Variants in CDH13 observed in about 807,000 individuals in gnomAD.
CDH13 encodes cadherin 13.
A neutral mutation model predicts 63.8 loss-of-function variants in CDH13; 24 were observed. The ratio of observed to expected loss-of-function variants is 0.38; its 90% confidence interval spans 0.27 to 0.53. The LOEUF (loss-of-function observed/expected upper bound fraction) is 0.53. CDH13 is among the 20% of genes least tolerant of loss of function. The pLI is 0.85. For synonymous variants in CDH13, 503 were observed against 355.3 expected (o/e 1.42, Z -4.67); for missense variants, 1,049 against 903.1 (o/e 1.16, Z -2.07).
At chr16:83,248,987 T>C (rs1451921411) in intron 5 of CDH13, among the ~76,000 whole-genome samples, 1 of 152,220 alleles carries the variant, frequency 6.6e-6, no homozygotes, top group African/African-American at 2.4e-5. Flanking sequence ...ACTCTTTGAG[T>C]GCATAACCTT....
chr16:83,105,631 T>A (rs2034726078), intron 3 of CDH13, among the ~76,000 whole-genome samples: 1 of 151,760 alleles, frequency 6.6e-6, no homozygotes, highest in Non-Finnish European at 1.5e-5. Context: ...TTAGATGGCA[T>A]GAATTAAATA....
intron 6 of CDH13, among the ~76,000 whole-genome samples, chr16:83,474,732 A>C (rs1458309396): frequency 1.3e-5 from 2 of 152,224 alleles, no homozygotes; most frequent in Non-Finnish European, 2.9e-5. Context: ...CCGAGGAATA[A>C]ACTGTGAAGC....
At chr16:83,300,079 C>G (rs1431929738) in intron 5 of CDH13, among the ~76,000 whole-genome samples, 4 of 152,176 alleles carry the variant, frequency 2.6e-5, no homozygotes, top group Admixed American at 2.6e-4. Context: ...ATGCAAGTCA[C>G]TAGTTTTAGC....
chr16:83,358,304 C>T (rs2091095852), intron 6 of CDH13, among the ~76,000 whole-genome samples: 1 of 152,070 alleles, frequency 6.6e-6, no homozygotes, highest in African/African-American at 2.4e-5. Flanking sequence ...CTCCTCCTAC[C>T]ACCTATTTCT....
At position 82,959,921 on chromosome 16, in the gene CDH13, G is replaced by A. The variant is rs976839766; in HGVS notation, c.158-72089G>A. ...GGTTTTCATTCTCTGAGATGAATTC[G>A]CCCAAAAGTGCAATGTCTGGGTTAT... On this transcript the variant is annotated intron_variant, in intron 2 of 13. Coordinates refer to ENST00000567109, the MANE Select transcript of CDH13 (RefSeq NM_001257.5). Among the ~76,000 whole-genome samples the A allele has an allele frequency of 7.9e-5, 12 of 152,172 alleles. 1 individual carries two copies. The highest frequency in any genetic ancestry group is 2.6e-4 in the Admixed American group (4 of 15,284).
intron 6 of CDH13, among the ~76,000 whole-genome samples, chr16:83,442,862 G>A (rs2072520843): frequency 6.6e-6 from 1 of 152,224 alleles, no homozygotes; most frequent in African/African-American, 2.4e-5. Context: ...TACTATAAGG[G>A]ACATTTCTGT....
At chr16:82,652,576 C>T (rs1339477225) in intron 1 of CDH13, among the ~76,000 whole-genome samples, 1 of 152,130 alleles carries the variant, frequency 6.6e-6, no homozygotes, top group Non-Finnish European at 1.5e-5. Flanking sequence ...TCCTACTCCT[C>T]ATTTAAAAAT....
At chr16:83,697,905 C>G (rs138752934) in intron 10 of CDH13, among the ~76,000 whole-genome samples, 2 of 152,366 alleles carry the variant, frequency 1.3e-5, no homozygotes, top group African/African-American at 4.8e-5. Flanking sequence ...GCCTCGGCCT[C>G]CCAAATTGCT....
At chr16:83,728,674 G>A (rs975651316) in intron 10 of CDH13, among the ~76,000 whole-genome samples, 2 of 152,146 alleles carry the variant, frequency 1.3e-5, no homozygotes, top group African/African-American at 2.4e-5. Context: ...ACACAATTAC[G>A]ACATGCCGTT....
At chr16:82,760,537 A>G (rs1362089648) in intron 1 of CDH13, among the ~76,000 whole-genome samples, 1 of 152,180 alleles carries the variant, frequency 6.6e-6, no homozygotes, top group African/African-American at 2.4e-5. Flanking sequence ...ACAAAAATGT[A>G]CCAGTTATAT....
chr16:83,747,309 C>T (rs1056666503), intron 10 of CDH13, among the ~76,000 whole-genome samples: 2 of 152,236 alleles, frequency 1.3e-5, no homozygotes, highest in East Asian at 3.9e-4. Context: ...GCGGGTCTTT[C>T]CCATGCTGTT....
chr16:83,172,085 G>C (rs1228554465), intron 4 of CDH13, among the ~76,000 whole-genome samples: 8 of 152,076 alleles, frequency 5.3e-5, no homozygotes, highest in Non-Finnish European at 1.2e-4. Context: ...CTTTACAGAG[G>C]TAATCATGTT....
rs554919332 is a variant in CDH13 at position 83,649,153 on chromosome 16, G to A, written c.1102-21637G>A. 4.5e-4 allele frequency among the ~76,000 whole-genome samples: 69 copies of A among 152,348 alleles called. 1 individual carries two copies. In the South Asian group the frequency reaches 8.1e-3, roughly 18 times the overall value. ...CCTCAGGTGTGGCAGTGAGGTTAAAGTGGCCACAGGCTGCTGTTGGAGTGA... is the reference window on the plus strand; with the variant it reads ...CCTCAGGTGTGGCAGTGAGGTTAAAATGGCCACAGGCTGCTGTTGGAGTGA... On this transcript the variant is annotated intron_variant, in intron 8 of 13. Transcript: ENST00000567109.
chr16:83,481,828 CA>C (rs1458464450), intron 6 of CDH13, among the ~76,000 whole-genome samples: 1 of 152,132 alleles, frequency 6.6e-6, no homozygotes, highest in Non-Finnish European at 1.5e-5. Flanking sequence ...GCGTGTCTGT[CA>C]TATAATTACC....
chr16:83,410,774 A>G (rs1019784496), intron 6 of CDH13, among the ~76,000 whole-genome samples: 1 of 152,198 alleles, frequency 6.6e-6, no homozygotes, highest in Non-Finnish European at 1.5e-5. Flanking sequence ...AGTCGTTGGC[A>G]ATCAGCTGCC....
chr16:83,527,279 C>G (rs936540928), intron 7 of CDH13, among the ~76,000 whole-genome samples: 1 of 152,024 alleles, frequency 6.6e-6, no homozygotes, highest in Non-Finnish European at 1.5e-5. Flanking sequence ...GAAACCCCAT[C>G]TCTACTAAAA....
chr16:82,852,091 C>G (rs553071724), intron 1 of CDH13, among the ~76,000 whole-genome samples: 1 of 152,264 alleles, frequency 6.6e-6, no homozygotes, highest in Non-Finnish European at 1.5e-5. Flanking sequence ...GGGGATGGAA[C>G]CTGAGAGTGT....
intron 6 of CDH13, among the ~76,000 whole-genome samples, chr16:83,408,688 T>C (rs976396968): frequency 3.3e-5 from 5 of 152,238 alleles, no homozygotes; most frequent in East Asian, 1.9e-4. Flanking sequence ...GTAACTTTAA[T>C]AGAAGCATGA....
chr16:83,651,033 C>G (rs1351822878), intron 8 of CDH13, among the ~76,000 whole-genome samples: 1 of 151,866 alleles, frequency 6.6e-6, no homozygotes, highest in Non-Finnish European at 1.5e-5. Context: ...CCCGGGAGGT[C>G]AAGGCTGCAG....
Sources: gnomAD v4.1 joint callset for allele counts (sites outside exome capture counted in the v4.1 genomes callset) on GRCh38, gnomAD v4.1.1 for gene constraint, MANE v1.5 for transcripts, NCBI Gene and HGNC (gene_info 2026-07-23, HGNC 2026-07-21) for gene names.